Variants in PHLPP1 observed in about 807,000 individuals in gnomAD.
PHLPP1 encodes the protein PH domain leucine-rich repeat-containing protein phosphatase 1.
A neutral mutation model predicts 117.2 loss-of-function variants in PHLPP1; 42 were observed. The observed-to-expected ratio is 0.36, with a 90% CI of 0.28 to 0.46. The LOEUF is 0.46. Among genes scored for constraint, PHLPP1 ranks in the 20% least tolerant of loss-of-function variants. PHLPP1 has a pLI of 1.00. For missense variants in PHLPP1, 2,084 were observed against 2,241.9 expected, an observed-to-expected ratio of 0.93 and a Z score of 1.42; for synonymous variants, 1,042 against 970.7, an observed-to-expected ratio of 1.07 and a Z score of -1.37.
intron 4 of PHLPP1, 128 bp from the exon 5 acceptor site, chr18:62,894,883 C>G: frequency 1.4e-6 from 1 of 715,060 alleles, no homozygotes; most frequent in Non-Finnish European, 2.3e-6. Context: ...CTTAACCTCT[C>G]TGGGGCCCCC....
intron 3 of PHLPP1, among the ~76,000 whole-genome samples, chr18:62,844,297 C>T (rs1158010253): frequency 1.3e-5 from 2 of 152,040 alleles, no homozygotes; most frequent in Non-Finnish European, 2.9e-5. Flanking sequence ...TGAGATTGCG[C>T]CACTGCACTC....
Position 62,717,069 on chromosome 18 carries a change from G to T in PHLPP1, c.1386G>T (p.Ala462=), listed in dbSNP as rs1910773963. The T allele has an allele frequency of 6.5e-7, 1 of 1,543,744 alleles. No homozygotes were observed. Among genetic ancestry groups the T allele is most frequent in the Non-Finnish European group, 8.7e-7 (1 of 1,143,440 alleles). ...PGRSGVTAEK[A]PPPPPPPTLY... ...GGAGCGGGGTGACCGCGGAGAAGGC[G>T]CCTCCGCCGCCCCCGCCGCCCACCC... Residue 462 remains alanine, a synonymous_variant, in exon 1 of 17, where the codon GCG becomes GCT. Coordinates refer to ENST00000262719, the MANE Select transcript of PHLPP1 (RefSeq NM_194449.4).
intron 4 of PHLPP1, among the ~76,000 whole-genome samples, chr18:62,891,824 T>C (rs982767451): frequency 2.1e-5 from 3 of 142,790 alleles, no homozygotes; most frequent in Non-Finnish European, 4.5e-5. Context: ...GCCCAGGAGG[T>C]TGAGGCTGCA....
intron 2 of PHLPP1, among the ~76,000 whole-genome samples, chr18:62,837,262 G>A (rs886438248): frequency 2.0e-5 from 3 of 152,194 alleles, no homozygotes; most frequent in Non-Finnish European, 4.4e-5. Flanking sequence ...GAAGTGCTGG[G>A]ATTACAAGTG....
chr18:62,748,153 C>T (rs936802434), intron 1 of PHLPP1, among the ~76,000 whole-genome samples: 1 of 151,982 alleles, frequency 6.6e-6, no homozygotes, highest in African/African-American at 2.4e-5. Context: ...GTCCTTCTTC[C>T]ATAATTGTGA....
At chr18:62,729,139 T>G (rs1399334159) in intron 1 of PHLPP1, among the ~76,000 whole-genome samples, 1 of 152,188 alleles carries the variant, frequency 6.6e-6, no homozygotes. Flanking sequence ...AAAAGTCAAA[T>G]TAGAACATCT....
chr18:62,929,434 A>G (rs552525441), intron 10 of PHLPP1, among the ~76,000 whole-genome samples: 2 of 152,322 alleles, frequency 1.3e-5, no homozygotes, highest in Admixed American at 6.5e-5. Context: ...AATAGTGGGT[A>G]CCATGCTGGA....
chr18:62,732,863 T>C (rs992409655), intron 1 of PHLPP1, among the ~76,000 whole-genome samples: 5 of 152,154 alleles, frequency 3.3e-5, no homozygotes, highest in African/African-American at 1.2e-4. Flanking sequence ...GTGTTGGAAA[T>C]AGCAAAAGAA....
At chr18:62,905,056 C>A (rs781309490) in intron 7 of PHLPP1, among the ~76,000 whole-genome samples, 168 bp from the exon 8 acceptor site, 31 of 152,278 alleles carry the variant, frequency 2.0e-4, no homozygotes, top group South Asian at 1.0e-3. Flanking sequence ...ATTAAAAGTT[C>A]TTTTTTACTT....
At chr18:62,764,864 A>T (rs1041208066) in intron 1 of PHLPP1, among the ~76,000 whole-genome samples, 51 of 152,230 alleles carry the variant, frequency 3.4e-4, no homozygotes, top group African/African-American at 1.2e-3. Flanking sequence ...AGAAGTTGAC[A>T]CAAGTGATCA....
chr18:62,832,473 G>A (rs1914783716), intron 2 of PHLPP1: 1 of 152,238 alleles, frequency 6.6e-6, no homozygotes, highest in African/African-American at 2.4e-5. Flanking sequence ...TTCAGATAAG[G>A]TCAGCAGATC....
intron 1 of PHLPP1, among the ~76,000 whole-genome samples, chr18:62,824,618 G>A (rs914718826): frequency 5.3e-5 from 8 of 152,032 alleles, no homozygotes; most frequent in Non-Finnish European, 7.4e-5. Context: ...TTTACTGTAT[G>A]TCTTTTATAC....
At chr18:62,918,429 A>AATAAATATATATAT (rs375057055) in intron 9 of PHLPP1, among the ~76,000 whole-genome samples, 1 of 140,458 alleles carries the variant, frequency 7.1e-6, no homozygotes. Flanking sequence ...GTAAAGGATA[A>AATAAATATATATAT]ATATATATAT....
chr18:62,830,235 A>AGTTT lies in PHLPP1; in HGVS notation c.1773+21_1773+24dup, dbSNP rs759659127. The AGTTT allele has an allele frequency of 1.3e-5, 20 of 1,550,234 alleles. No homozygotes were observed. The highest frequency in any genetic ancestry group is 4.9e-5 in the East Asian group (2 of 40,968). Reference sequence around the variant, plus strand: ...TCTGCCACTAATTGGTGGAAAAGTAAGTTTGTTTGTTTGTTTGTTTATTGA... The same window carrying AGTTT: ...TCTGCCACTAATTGGTGGAAAAGTAAGTTTGTTTGTTTGTTTGTTTGTTTATTGA... On this transcript the variant is annotated splice_donor_region_variant and intron_variant, in intron 2 of 16. Coordinates refer to ENST00000262719, the MANE Select transcript of PHLPP1 (RefSeq NM_194449.4).
At chr18:62,964,403 A>G (rs925172622) in intron 14 of PHLPP1, among the ~76,000 whole-genome samples, 3 of 152,220 alleles carry the variant, frequency 2.0e-5, no homozygotes, top group South Asian at 2.1e-4. Context: ...AATACTCTTC[A>G]TAGAAAATAA....
At chr18:62,819,829 A>G (rs1568127190) in intron 1 of PHLPP1, among the ~76,000 whole-genome samples, 1 of 152,138 alleles carries the variant, frequency 6.6e-6, no homozygotes. Context: ...TATTTTTAGT[A>G]GAGAAGGGGT....
chr18:62,796,018 C>G (rs1047123573), intron 1 of PHLPP1, among the ~76,000 whole-genome samples: 3 of 152,168 alleles, frequency 2.0e-5, no homozygotes, highest in Non-Finnish European at 2.9e-5. Context: ...ACTTGTCATT[C>G]TTTGAAAGGT....
chr18:62,970,211 G>A (rs1218435382), intron 14 of PHLPP1, among the ~76,000 whole-genome samples: 6 of 152,120 alleles, frequency 3.9e-5, no homozygotes, highest in Admixed American at 3.9e-4. Flanking sequence ...TCACATATAA[G>A]AACCTTGCAA....
intron 15 of PHLPP1, among the ~76,000 whole-genome samples, chr18:62,973,132 G>T (rs1402809820): frequency 2.0e-5 from 3 of 152,166 alleles, no homozygotes; most frequent in Non-Finnish European, 4.4e-5. Context: ...ACTATCACTG[G>T]TTTGAGATAG....
Sources: allele counts gnomAD v4.1 joint callset (sites outside exome capture counted in the v4.1 genomes callset), GRCh38; gene constraint gnomAD v4.1.1; transcripts MANE v1.5; gene names NCBI Gene and HGNC (gene_info 2026-07-23, HGNC 2026-07-21).